SEPTIN10: variants seen among roughly 807,000 people sequenced by gnomAD.
The protein encoded by SEPTIN10 is septin 10.
Under a neutral mutation model 54.8 loss-of-function variants are expected in SEPTIN10, and 66 were observed. The ratio of observed to expected loss-of-function variants is 1.21; its 90% CI spans 0.99 to 1.48. The LOEUF (loss-of-function observed/expected upper bound fraction) is 1.48. SEPTIN10 is among the 40% of genes most tolerant of loss of function. SEPTIN10 has a pLI of 0.00. For missense variants in SEPTIN10, 620 were observed against 545.6 expected (o/e 1.14, Z -1.36); for synonymous variants, 161 against 181.0 (o/e 0.89, Z 0.89).
At chr2:109,609,790 C>T (rs144374904) in intron 1 of SEPTIN10, among the ~76,000 whole-genome samples, 4 of 151,968 alleles carry the variant, frequency 2.6e-5, no homozygotes, top group African/African-American at 7.2e-5. Context: ...ATGACAAATG[C>T]GGACAGGAAT....
intron 4 of SEPTIN10, among the ~76,000 whole-genome samples, chr2:109,578,043 C>G (rs1373212693): frequency 6.6e-6 from 1 of 151,486 alleles, no homozygotes; most frequent in Non-Finnish European, 1.5e-5. Context: ...AAACACTCAT[C>G]TTCAACTTTA....
intron 1 of SEPTIN10, among the ~76,000 whole-genome samples, chr2:109,605,239 T>C (rs1697664096): frequency 6.6e-6 from 1 of 152,212 alleles, no homozygotes. Context: ...ACTAGTATGA[T>C]CAGGCAGATC....
intron 1 of SEPTIN10, chr2:109,613,452 C>T: frequency 3.7e-6 from 1 of 267,284 alleles, no homozygotes; most frequent in East Asian, 7.7e-5. Context: ...TTCAATCAGT[C>T]CGCACTGCGC....
intron 1 of SEPTIN10, among the ~76,000 whole-genome samples, chr2:109,606,043 G>A (rs1279231090): frequency 6.6e-6 from 1 of 152,218 alleles, no homozygotes; most frequent in African/African-American, 2.4e-5. Flanking sequence ...AAGACATTTT[G>A]TGCAAGGATG....
chr2:109,598,607 C>A (rs2106091900), intron 1 of SEPTIN10, among the ~76,000 whole-genome samples: 1 of 152,052 alleles, frequency 6.6e-6, no homozygotes, highest in East Asian at 2.0e-4. Context: ...CTTTGGGAGG[C>A]TGAGGCAGGT....
At chr2:109,545,890 G>A in intron 10 of SEPTIN10, 160 bp downstream of exon 10, 1 of 1,436,788 alleles carries the variant, frequency 7.0e-7, no homozygotes, top group Non-Finnish European at 9.2e-7. Flanking sequence ...AAACAGCAGT[G>A]AACAAGAGGG....
intron 5 of SEPTIN10, among the ~76,000 whole-genome samples, chr2:109,570,777 C>A (rs1025359949): frequency 6.6e-6 from 1 of 152,122 alleles, no homozygotes; most frequent in Non-Finnish European, 1.5e-5. Context: ...CTGCCTTGGC[C>A]TCTGAAAGTG....
chr2:109,564,702 C>T (rs879619417), intron 7 of SEPTIN10, among the ~76,000 whole-genome samples, 168 bp from the exon 8 acceptor site: 75 of 152,144 alleles, frequency 4.9e-4, no homozygotes, highest in Non-Finnish European at 2.8e-4. Flanking sequence ...AAGGAAGAAA[C>T]TCTTGCAGTA....
intron 5 of SEPTIN10, among the ~76,000 whole-genome samples, chr2:109,573,117 G>A (rs1304649422): frequency 6.6e-6 from 1 of 152,026 alleles, no homozygotes; most frequent in Non-Finnish European, 1.5e-5. Context: ...CTATTTACAT[G>A]GATCAATTTA....
At chr2:109,555,314 C>G (rs1310876002) in intron 8 of SEPTIN10, among the ~76,000 whole-genome samples, 2 of 152,134 alleles carry the variant, frequency 1.3e-5, no homozygotes, top group African/African-American at 4.8e-5. Context: ...AGGTTTCAGC[C>G]ACACCAACCT....
chr2:109,575,783 A>G (rs1405576967), intron 4 of SEPTIN10, among the ~76,000 whole-genome samples: 1 of 152,238 alleles, frequency 6.6e-6, no homozygotes, highest in Non-Finnish European at 1.5e-5. Context: ...CAGTACCTTG[A>G]GCAGCTGAGG....
At chr2:109,613,739 G>A (rs1368110638) in intron 1 of SEPTIN10, 59 bp downstream of exon 1, 4 of 1,124,156 alleles carry the variant, frequency 3.6e-6, no homozygotes, top group African/African-American at 1.6e-5. Context: ...GTCGAGGGCG[G>A]GAAGTCCCGC....
chr2:109,607,793 C>T (rs1341823368), intron 1 of SEPTIN10, among the ~76,000 whole-genome samples: 1 of 152,086 alleles, frequency 6.6e-6, no homozygotes, highest in African/African-American at 2.4e-5. Context: ...CTGTGTTCAC[C>T]CCTAGGGAAA....
At chr2:109,565,014 CTG>C (rs1305729676) in intron 7 of SEPTIN10, among the ~76,000 whole-genome samples, 1 of 152,162 alleles carries the variant, frequency 6.6e-6, no homozygotes, top group African/African-American at 2.4e-5. Context: ...ATTTATGATC[CTG>C]TGTTAGACAC....
intron 1 of SEPTIN10, among the ~76,000 whole-genome samples, chr2:109,593,829 G>A (rs963365058): frequency 2.0e-5 from 3 of 151,992 alleles, no homozygotes; most frequent in Non-Finnish European, 2.9e-5. Flanking sequence ...GGGAAAGCAG[G>A]GATTTTATAA....
rs1229565383 is a variant in SEPTIN10, at chr2:109,542,900, AC to A, written c.*1408del. ...CATTGTCTGAAAATACTCATAAAATACCTCATCTCCAAAATAATTCAAATAC... is the reference window on the plus strand; with the variant it reads ...CATTGTCTGAAAATACTCATAAAATACTCATCTCCAAAATAATTCAAATAC... On this transcript the variant is annotated 3_prime_UTR_variant, in exon 11 of 11. Transcript: ENST00000397712. 5 of 152,728 alleles carry A rather than the reference AC, an allele frequency of 3.3e-5. No individual in the cohort carries two copies. The highest frequency in any genetic ancestry group is 2.6e-4 in the Admixed American group (4 of 15,310). The allele number at this position is 152,728 out of a possible 1,614,324, so 9.5% of individuals were successfully genotyped here.
intron 4 of SEPTIN10, among the ~76,000 whole-genome samples, chr2:109,575,497 G>A (rs1689485986): frequency 6.6e-6 from 1 of 152,224 alleles, no homozygotes; most frequent in Non-Finnish European, 1.5e-5. Flanking sequence ...TGGAAATGCA[G>A]TCTTCCTTCT....
chr2:109,591,859 T>C (rs1694147613), intron 2 of SEPTIN10, among the ~76,000 whole-genome samples: 1 of 152,048 alleles, frequency 6.6e-6, no homozygotes, highest in African/African-American at 2.4e-5. Flanking sequence ...ATTGCACCAC[T>C]GCACTCCAGC....
intron 10 of SEPTIN10, 120 bp downstream of exon 10, chr2:109,545,930 T>G (rs1363147728): frequency 2.1e-6 from 3 of 1,445,890 alleles, no homozygotes; most frequent in Non-Finnish European, 2.8e-6. Context: ...GGAGCTGACA[T>G]TTAGTTGGAG....
Sources: gnomAD v4.1 joint callset for allele counts (sites outside exome capture counted in the v4.1 genomes callset) on GRCh38, gnomAD v4.1.1 for gene constraint, MANE v1.5 for transcripts, NCBI Gene and HGNC (gene_info 2026-07-23, HGNC 2026-07-21) for gene names.